The following SMTN variants were observed in gnomAD, a reference collection of about 807,000 sequenced individuals.
SMTN encodes the protein smoothelin.
Under a neutral mutation model 102.0 loss-of-function variants are expected in SMTN, and 58 were observed. The ratio of observed to expected loss-of-function variants is 0.57; its 90% CI spans 0.46 to 0.71. The LOEUF (loss-of-function observed/expected upper bound fraction) is 0.71, where lower values mean the gene tolerates loss of function less well. SMTN is among the 30% of genes least tolerant of loss of function. The pLI, the probability that SMTN is intolerant of heterozygous loss-of-function variation, is 0.00. For synonymous variants in SMTN, 478 were observed against 497.9 expected (o/e 0.96, Z 0.53); for missense variants, 1,185 against 1,241.7 (o/e 0.95, Z 0.69).
chr22:31,102,147 T>C (rs1018225901), intron 20 of SMTN: 6 of 152,202 alleles, frequency 3.9e-5, no homozygotes, highest in Admixed American at 1.3e-4. Context: ...GCATTTCCTC[T>C]CTGGTCACCT....
intron 1 of SMTN, among the ~76,000 whole-genome samples, chr22:31,069,080 T>C (rs2147465344): frequency 6.6e-6 from 1 of 152,284 alleles, no homozygotes; most frequent in South Asian, 2.1e-4. Context: ...TGGGGCTAGT[T>C]GTAAGGTTTA....
chr22:31,086,387 G>A (rs1396639315), intron 2 of SMTN, among the ~76,000 whole-genome samples: 1 of 152,202 alleles, frequency 6.6e-6, no homozygotes, highest in Non-Finnish European at 1.5e-5. Context: ...CTGTCAAATG[G>A]GAATAACAGT....
intron 1 of SMTN, chr22:31,064,414 A>G (rs1349910951): frequency 6.6e-6 from 1 of 152,188 alleles, no homozygotes; most frequent in Non-Finnish European, 1.5e-5. Flanking sequence ...CTCACATTAG[A>G]AAAGAAAGAT....
Position 31,098,808 on chromosome 22 carries a change from G to A in SMTN, c.2301G>A (p.Met767Ile), listed in dbSNP as rs781727062. The stretch of plus-strand genomic sequence containing the variant: ...CAGCCTCCCAGGCGCGCAAGGCCAT[G>A]ATTGAGAAGCTGGAGAAGGAGGGCG... ...KTSASQARKA[M>I]IEKLEKEGAA... Residue 767 changes from methionine (M) to isoleucine (I), a missense_variant, in exon 17 of 21, where the codon ATG becomes ATA. Met to Ile is a conservative substitution (Grantham distance 10). This residue lies in a region of SMTN where 1,096 missense variants were observed against 1,112.7 expected (regional missense o/e 0.98). Transcript: ENST00000333137. 1 of 1,612,288 alleles carries A rather than the reference G, an allele frequency of 6.2e-7. No homozygotes were observed. The highest frequency in any genetic ancestry group is 1.1e-5 in the South Asian group (1 of 90,972).
chr22:31,098,804 C>T lies in SMTN; in HGVS notation c.2297C>T (p.Ala766Val), dbSNP rs1161285361. 1.2e-6 allele frequency: 2 copies of T among 1,612,422 alleles called. No individual in the cohort carries two copies. Among genetic ancestry groups the T allele is most frequent in the Admixed American group, 3.3e-5 (2 of 59,930 alleles). The change falls in exon 17 of 21, where the codon GCC (alanine) becomes GTC (valine). Residue 766 changes from alanine (A) to valine (V), a missense_variant. Ala to Val is a moderately conservative substitution (Grantham distance 64). Transcript: ENST00000333137. ...PKTSASQARK[A>V]MIEKLEKEGA... Reference sequence around the variant, plus strand: ...ACCTCAGCCTCCCAGGCGCGCAAGGCCATGATTGAGAAGCTGGAGAAGGAG... The same window carrying T: ...ACCTCAGCCTCCCAGGCGCGCAAGGTCATGATTGAGAAGCTGGAGAAGGAG...
At chr22:31,085,215 T>C (rs2042595001) in intron 2 of SMTN, 1 of 1,535,078 alleles carries the variant, frequency 6.5e-7, no homozygotes. Context: ...TTCTTCCCTT[T>C]AGATCCGGAC....
intron 11 of SMTN, chr22:31,093,934 G>C: frequency 8.5e-7 from 1 of 1,178,636 alleles, no homozygotes; most frequent in Non-Finnish European, 1.2e-6. Flanking sequence ...GCCTCCTCTT[G>C]ACTTTAGGTA....
intron 1 of SMTN, among the ~76,000 whole-genome samples, chr22:31,068,938 G>A (rs2147464724): frequency 6.6e-6 from 1 of 152,298 alleles, no homozygotes; most frequent in South Asian, 2.1e-4. Context: ...GTGAAGATGT[G>A]GTTGAAGAGC....
intron 13 of SMTN, chr22:31,096,482 T>C: frequency 2.3e-6 from 1 of 429,474 alleles, no homozygotes. Flanking sequence ...TCCATACCCC[T>C]TTGAGTTTAG....
intron 17 of SMTN, 56 bp downstream of exon 17, chr22:31,098,896 G>T: frequency 1.3e-6 from 2 of 1,546,982 alleles, no homozygotes; most frequent in Admixed American, 3.5e-5. Flanking sequence ...GGCAGTGGGG[G>T]GCGGGGCTTG....
intron 11 of SMTN, chr22:31,093,944 A>G: frequency 1.9e-6 from 2 of 1,041,088 alleles, no homozygotes; most frequent in Admixed American, 4.8e-5. Flanking sequence ...GACTTTAGGT[A>G]TGTCACCACC....
At chr22:31,093,591 G>C in intron 11 of SMTN, 1 of 749,910 alleles carries the variant, frequency 1.3e-6, no homozygotes. Flanking sequence ...TAGCCACCGT[G>C]GAGCCGGTGG....
chr22:31,093,845 C>T, intron 11 of SMTN: 1 of 1,586,262 alleles, frequency 6.3e-7, no homozygotes. Flanking sequence ...CGCCGCCGCT[C>T]CTCCACCGGC....
intron 1 of SMTN, among the ~76,000 whole-genome samples, chr22:31,075,066 A>T (rs963945861): frequency 1.3e-5 from 2 of 152,164 alleles, no homozygotes; most frequent in Non-Finnish European, 2.9e-5. Flanking sequence ...GCTAGGGAGC[A>T]GTGATGTCCC....
rs1187214767 is a variant in SMTN at position 31,087,963 on chromosome 22, A to G, written c.52-2A>G. ...ATGACCTGCCTCTCGCACCCACTGC[A>G]GCTGGAGGTCACAGCAGATCTGGCA... On this transcript the variant is annotated splice_acceptor_variant, in intron 2 of 20. Transcript: ENST00000333137. LOFTEE classifies it high-confidence loss of function. 6.3e-7 allele frequency: 1 copy of G among 1,586,362 alleles called. No individual in the cohort carries two copies.
upstream of SMTN, among the ~76,000 whole-genome samples, chr22:31,076,627 G>A (rs552023134): frequency 4.9e-4 from 74 of 152,312 alleles, no homozygotes; most frequent in Admixed American, 1.5e-3. Context: ...AGGCCCTGAG[G>A]AGGAAACAAA....
rs779898148 is a variant in SMTN, at chr22:31,090,842, G to C, written c.900G>C (p.Leu300=). 3.1e-6 allele frequency: 5 copies of C among 1,613,776 alleles called. No individual in the cohort carries two copies. In the Admixed American group the frequency reaches 8.3e-5, roughly 27 times the overall value. Residue 300 remains leucine (L), a synonymous_variant, in exon 9 of 21, where the codon CTG becomes CTC. Coordinates refer to ENST00000333137, the MANE Select transcript of SMTN (RefSeq NM_134269.3). ...GACCCCGACCCTGCCAACGCTCCCT[G>C]TCGGTGCTCAGCCCCCGCCAACCAG... ...VAGPRPCQRS[L]SVLSPRQPAQ... is the part of the protein sequence containing the mutation.
Position 31,091,712 on chromosome 22 carries a change from C to T in SMTN, c.1497C>T (p.Leu499=). 5 of 1,611,414 alleles carry T rather than the reference C, an allele frequency of 3.1e-6. No individual in the cohort carries two copies. The highest frequency in any genetic ancestry group is 4.2e-6 in the Non-Finnish European group (5 of 1,178,240). ...TLGLRAPPTL[L]STSSGGKSTI... ...GGCTGCGGGCGCCCCCGACCCTACTCAGCACCAGTAGTGGGGGCAAGAGCA... is the reference window on the plus strand; with the variant it reads ...GGCTGCGGGCGCCCCCGACCCTACTTAGCACCAGTAGTGGGGGCAAGAGCA... The change falls in exon 11 of 21, where the codon CTC becomes CTT. Residue 499 remains leucine, a synonymous_variant. Coordinates refer to ENST00000333137, the MANE Select transcript of SMTN (RefSeq NM_134269.3).
intron 2 of SMTN, among the ~76,000 whole-genome samples, chr22:31,084,842 CCAG>C (rs956774787): frequency 2.0e-5 from 3 of 152,230 alleles, no homozygotes; most frequent in Non-Finnish European, 2.9e-5. Flanking sequence ...AGCGGCTCCT[CCAG>C]CACCCGGCGC....
Sources: gnomAD v4.1 joint callset for allele counts (sites outside exome capture counted in the v4.1 genomes callset) on GRCh38, gnomAD v4.1.1 for gene constraint, gnomAD v4.1.1 regional missense constraint, MANE v1.5 for transcripts, NCBI Gene and HGNC (gene_info 2026-07-23, HGNC 2026-07-21) for gene names.